Variants in VPS13B observed in about 807,000 individuals in gnomAD.
VPS13B encodes vacuolar protein sorting 13 homolog B, also known as intermembrane lipid transfer protein VPS13B.
A neutral mutation model predicts 426.4 loss-of-function variants in VPS13B; 285 were observed. That is an observed-to-expected ratio of 0.67 (90% CI 0.61 to 0.74). The LOEUF (loss-of-function observed/expected upper bound fraction) is 0.74, where lower values mean the gene tolerates loss of function less well. Ranked by LOEUF, VPS13B falls within the 30% of genes least tolerant of loss-of-function variation. VPS13B has a pLI of 0.00. For missense variants in VPS13B, 4,537 were observed against 4,782.6 expected, an observed-to-expected ratio of 0.95 and a Z score of 1.51; for synonymous variants, 1,676 against 1,676.4, an observed-to-expected ratio of 1.00 and a Z score of 0.01.
intron 30 of VPS13B, among the ~76,000 whole-genome samples, chr8:99,532,966 G>A (rs1823008411): frequency 7.1e-6 from 1 of 141,080 alleles, no homozygotes; most frequent in Admixed American, 7.1e-5. Flanking sequence ...TTGAGATGGA[G>A]TCTCACTCCG....
chr8:99,055,710 C>A (rs985883152), intron 3 of VPS13B, among the ~76,000 whole-genome samples: 1 of 151,910 alleles, frequency 6.6e-6, no homozygotes, highest in African/African-American at 2.4e-5. Flanking sequence ...AGATACACCA[C>A]CAATTTTGGT....
chr8:99,546,104 T>A (rs563341082), intron 30 of VPS13B, among the ~76,000 whole-genome samples: 3 of 152,078 alleles, frequency 2.0e-5, no homozygotes, highest in African/African-American at 7.2e-5. Flanking sequence ...TATTGTAAGT[T>A]TGAGAATACT....
At chr8:99,224,522 A>G (rs757855120) in intron 17 of VPS13B, among the ~76,000 whole-genome samples, 42 of 152,156 alleles carry the variant, frequency 2.8e-4, no homozygotes, top group Non-Finnish European at 5.6e-4. Context: ...ATTTTTCATT[A>G]CATTATTAAT....
chr8:99,624,009 T>TATATATA (rs58273802), intron 33 of VPS13B, among the ~76,000 whole-genome samples: 18 of 61,338 alleles, frequency 2.9e-4, no homozygotes, highest in African/African-American at 1.2e-3. Flanking sequence ...ATATATATAT[T>TATATATA]TTTTTTTTTT....
rs542224837 is a variant in VPS13B at position 99,866,757 on chromosome 8, C to A, written c.11216-1532C>A. The stretch of plus-strand genomic sequence containing the variant: ...CTGCTGAGGTGACTGGAAGAGAAGA[C>A]CCAGGGTTCCTGCCTGTCCCTCAGT... On this transcript the variant is annotated intron_variant, in intron 58 of 61. Coordinates refer to ENST00000357162, the MANE Select transcript of VPS13B (RefSeq NM_152564.5). 6.6e-5 allele frequency among the ~76,000 whole-genome samples: 10 copies of A among 152,352 alleles called. No homozygotes were observed. In the South Asian group the frequency reaches 1.0e-3, roughly 16 times the overall value.
At chr8:99,818,995 G>T in intron 47 of VPS13B, 107 bp downstream of exon 47, 1 of 970,868 alleles carries the variant, frequency 1.0e-6, no homozygotes. Context: ...AGGGAGATGG[G>T]AGTGGAGGGA....
chr8:99,421,790 G>A (rs536325544), intron 21 of VPS13B, among the ~76,000 whole-genome samples: 3 of 152,150 alleles, frequency 2.0e-5, no homozygotes, highest in Admixed American at 2.0e-4. Flanking sequence ...AGATCCTCCT[G>A]TCTCAGCCTC....
At chr8:99,367,888 A>G (rs1051924204) in intron 19 of VPS13B, among the ~76,000 whole-genome samples, 9 of 152,160 alleles carry the variant, frequency 5.9e-5, no homozygotes, top group African/African-American at 2.2e-4. Flanking sequence ...TCCTGACCTC[A>G]GGTGATACAC....
At chr8:99,507,633 G>A in intron 28 of VPS13B, 3 of 1,308,014 alleles carry the variant, frequency 2.3e-6, no homozygotes, top group Non-Finnish European at 3.2e-6. Context: ...TCCAGGCAGA[G>A]GCCATACCTA....
intron 24 of VPS13B, among the ~76,000 whole-genome samples, chr8:99,474,492 AT>A (rs1819589898): frequency 6.6e-6 from 1 of 151,990 alleles, no homozygotes; most frequent in Non-Finnish European, 1.5e-5. Context: ...CGGACTAAAA[AT>A]TTTTTCTACT....
In VPS13B at chr8:99,028,623, A is replaced by AC. The variant is rs577730876; in HGVS notation, c.148-9792dup. Among the ~76,000 whole-genome samples the AC allele has an allele frequency of 3.3e-3, 264 of 79,152 alleles. 17 individuals carry two copies. The highest frequency in any genetic ancestry group is 0.011 in the African/African-American group (210 of 19,408). The allele number at this position is 79,152 out of a possible 152,430, so 51.9% of individuals were successfully genotyped here. A position where few individuals can be genotyped will look rare whatever the true frequency, so the allele number is the denominator to read the frequency against. On this transcript the variant is annotated intron_variant, in intron 2 of 61. Coordinates refer to ENST00000357162, the MANE Select transcript of VPS13B (RefSeq NM_152564.5). ...GGGCAGCTGGCCGGGCGGGGGGCTG[A>AC]CCCCCCCCACCTCCCTCCCGGACGG... is the stretch of plus-strand genomic sequence containing the variant.
chr8:99,366,138 A>T (rs1350228912), intron 19 of VPS13B, among the ~76,000 whole-genome samples: 1 of 152,020 alleles, frequency 6.6e-6, no homozygotes, highest in African/African-American at 2.4e-5. Context: ...ATTAAATCTG[A>T]TGTTTCTTTG....
chr8:99,149,200 A>G (rs1392641809), intron 14 of VPS13B, among the ~76,000 whole-genome samples: 6 of 152,234 alleles, frequency 3.9e-5, no homozygotes, highest in Non-Finnish European at 8.8e-5. Flanking sequence ...ACTATTTTGC[A>G]TGTATTAGGA....
chr8:99,301,299 CTT>C (rs772725181), intron 19 of VPS13B, among the ~76,000 whole-genome samples: 30 of 141,582 alleles, frequency 2.1e-4, no homozygotes, highest in Non-Finnish European at 1.1e-4. Flanking sequence ...TTCTTTCTTT[CTT>C]TTTTTTTTTT....
intron 30 of VPS13B, among the ~76,000 whole-genome samples, chr8:99,537,395 A>C (rs1253809818): frequency 6.6e-6 from 1 of 152,226 alleles, no homozygotes; most frequent in Non-Finnish European, 1.5e-5. Flanking sequence ...ATAATAAAAT[A>C]GTTAAATCTA....
chr8:99,612,424 C>T (rs1388632408), intron 33 of VPS13B, among the ~76,000 whole-genome samples: 1 of 152,172 alleles, frequency 6.6e-6, no homozygotes, highest in Non-Finnish European at 1.5e-5. Flanking sequence ...TATTTCCAGC[C>T]ATGTGGTCCT....
intron 16 of VPS13B, 85 bp downstream of exon 16, chr8:99,170,248 C>T (rs1265351124): frequency 8.7e-6 from 13 of 1,499,952 alleles, no homozygotes; most frequent in Non-Finnish European, 1.2e-5. Context: ...TGTCTTATGC[C>T]CATGCTAGTT....
chr8:99,320,118 A>C (rs1419537455), intron 19 of VPS13B, among the ~76,000 whole-genome samples: 1 of 152,180 alleles, frequency 6.6e-6, no homozygotes, highest in Non-Finnish European at 1.5e-5. Context: ...ATCTTAGATG[A>C]GAATGCTTGT....
chr8:99,347,686 A>G (rs1811616279), intron 19 of VPS13B: 1 of 152,204 alleles, frequency 6.6e-6, no homozygotes, highest in Non-Finnish European at 1.5e-5. Context: ...CTCCTAAATA[A>G]TTTCAATCCT....
Sources: allele counts gnomAD v4.1 joint callset (sites outside exome capture counted in the v4.1 genomes callset), GRCh38; gene constraint gnomAD v4.1.1; transcripts MANE v1.5; gene names NCBI Gene and HGNC (gene_info 2026-07-23, HGNC 2026-07-21).